PDE8B: variants seen among roughly 807,000 people sequenced by gnomAD.
PDE8B encodes phosphodiesterase 8B, also known as high affinity cAMP-specific and IBMX-insensitive 3',5'-cyclic phosphodiesterase 8B.
PDE8B carries 26 observed loss-of-function variants against 101.3 expected under a neutral mutation model. That is an observed-to-expected ratio of 0.26 (90% CI 0.19 to 0.36). The LOEUF is 0.36. Among genes scored for constraint, PDE8B ranks in the 10% least tolerant of loss-of-function variants. The pLI, the probability that PDE8B is intolerant of heterozygous loss-of-function variation, is 1.00. For missense variants in PDE8B, 810 were observed against 1,163.1 expected (o/e 0.70, Z 4.42); for synonymous variants, 424 against 429.3 (o/e 0.99, Z 0.15).
chr5:77,135,968 A>G, the PDE8B span, among the ~76,000 whole-genome samples: 24 of 151,938 alleles, frequency 1.6e-4, no homozygotes, highest in South Asian at 5.0e-3. Flanking sequence ...TTGGATGTTG[A>G]CCCCCAGGAT....
chr5:77,424,819 G>GTTTTTTTTTTTTT (rs912849753), intron 20 of PDE8B, among the ~76,000 whole-genome samples: 3 of 110,042 alleles, frequency 2.7e-5, no homozygotes, highest in Non-Finnish European at 4.1e-5. Flanking sequence ...CTGTTTTTTT[G>GTTTTTTTTTTTTT]TTTTTTGTTT....
intron 6 of PDE8B, among the ~76,000 whole-genome samples, chr5:77,337,672 C>T (rs10942815): frequency 0.23 from 35,302 of 152,048 alleles, 4,393 homozygotes; most frequent in African/African-American, 0.32. Flanking sequence ...TGGATTGTTA[C>T]GCATAGGGGC....
chr5:77,342,224 T>G (rs1479601), intron 6 of PDE8B, among the ~76,000 whole-genome samples: 1 of 152,076 alleles, frequency 6.6e-6, no homozygotes, highest in African/African-American at 2.4e-5. Flanking sequence ...ACAACAGGTA[T>G]CTACATGTGT....
chr5:77,321,801 C>T (rs1775135926), intron 2 of PDE8B, among the ~76,000 whole-genome samples: 1 of 152,226 alleles, frequency 6.6e-6, no homozygotes, highest in African/African-American at 2.4e-5. Context: ...AAGAAATTCT[C>T]TCCTGAGTGC....
At chr5:77,363,391 AC>A (rs1373857927) in intron 10 of PDE8B, among the ~76,000 whole-genome samples, 1 of 152,124 alleles carries the variant, frequency 6.6e-6, no homozygotes, top group Non-Finnish European at 1.5e-5. Context: ...GGAGGTGTTG[AC>A]TGACGTGGGT....
intron 1 of PDE8B, among the ~76,000 whole-genome samples, chr5:77,253,815 C>A (rs1758564026): frequency 6.6e-6 from 1 of 152,020 alleles, no homozygotes; most frequent in African/African-American, 2.4e-5. Context: ...AAAATGTTTT[C>A]TCTTAGTTAA....
At chr5:77,269,955 G>C (rs1163586288) in intron 1 of PDE8B, among the ~76,000 whole-genome samples, 2 of 151,924 alleles carry the variant, frequency 1.3e-5, no homozygotes, top group African/African-American at 4.8e-5. Flanking sequence ...GGCTATTCTG[G>C]GTCTTTTGTG....
chr5:77,407,302 T>C (rs1793663922), intron 12 of PDE8B, 79 bp from the exon 13 acceptor site: 1 of 1,039,898 alleles, frequency 9.6e-7, no homozygotes, highest in Admixed American at 1.7e-5. Context: ...CGGGCCCTGG[T>C]CCATGAAGGG....
chr5:77,212,302 T>C (rs979090548), intron 1 of PDE8B, among the ~76,000 whole-genome samples: 1 of 152,174 alleles, frequency 6.6e-6, no homozygotes, highest in African/African-American at 2.4e-5. Context: ...AACCATTCCA[T>C]GGATTATTTG....
chr5:77,374,241 C>T (rs898738650), intron 10 of PDE8B, among the ~76,000 whole-genome samples: 3 of 152,022 alleles, frequency 2.0e-5, no homozygotes, highest in African/African-American at 7.2e-5. Flanking sequence ...TTTTCCCATC[C>T]ACTTACTTTC....
chr5:77,413,010 A>G (rs895425722), intron 16 of PDE8B, 101 bp from the exon 17 acceptor site: 2 of 928,370 alleles, frequency 2.2e-6, no homozygotes, highest in Admixed American at 1.7e-5. Context: ...GTGTGAAGCT[A>G]TCATCAGAAG....
chr5:77,307,529 A>C (rs986121534), intron 1 of PDE8B, among the ~76,000 whole-genome samples: 4 of 152,160 alleles, frequency 2.6e-5, no homozygotes, highest in African/African-American at 9.7e-5. Context: ...TCATGGACCC[A>C]TGTTGCCAGC....
chr5:77,200,569 AT>A, the PDE8B span, among the ~76,000 whole-genome samples: 1 of 151,950 alleles, frequency 6.6e-6, no homozygotes, highest in South Asian at 2.1e-4. Context: ...TTTTTAAAAA[AT>A]TTTGTTTTGT....
chr5:77,423,631 A>ATTTTTTTTTTT (rs1561699532), intron 20 of PDE8B, among the ~76,000 whole-genome samples: 1 of 26,618 alleles, frequency 3.8e-5, no homozygotes, highest in Non-Finnish European at 8.1e-5. Flanking sequence ...TGTTTTGTTT[A>ATTTTTTTTTTT]GTTTTTTTTT....
chr5:77,130,433 G>T, the PDE8B span, among the ~76,000 whole-genome samples: 1 of 152,020 alleles, frequency 6.6e-6, no homozygotes, highest in Non-Finnish European at 1.5e-5. Context: ...ACTTCGGGGC[G>T]GGGAGGGGAG....
At chr5:77,154,562 G>C in the PDE8B span, among the ~76,000 whole-genome samples, 1 of 152,176 alleles carries the variant, frequency 6.6e-6, no homozygotes, top group Admixed American at 6.5e-5. Context: ...CACATCCCCT[G>C]CATATATACT....
chr5:77,102,340 A>T, the PDE8B span, among the ~76,000 whole-genome samples: 2,453 of 152,264 alleles, frequency 0.016, 71 homozygotes, highest in African/African-American at 0.056. Context: ...AAGCAAGGTT[A>T]TAGTTTCCCT....
At chr5:77,413,636 T>C (rs978353677) in intron 17 of PDE8B, among the ~76,000 whole-genome samples, 10 of 152,164 alleles carry the variant, frequency 6.6e-5, no homozygotes, top group African/African-American at 1.7e-4. Context: ...TTACAGCAAA[T>C]GGTTACTAGA....
intron 1 of PDE8B, among the ~76,000 whole-genome samples, chr5:77,308,568 G>C (rs1383064832): frequency 6.6e-6 from 1 of 152,180 alleles, no homozygotes; most frequent in Non-Finnish European, 1.5e-5. Context: ...AATACTGGAT[G>C]GCAGGCAGAG....
Sources: allele counts gnomAD v4.1 joint callset (sites outside exome capture counted in the v4.1 genomes callset), GRCh38; gene constraint gnomAD v4.1.1; transcripts MANE v1.5; gene names NCBI Gene and HGNC (gene_info 2026-07-23, HGNC 2026-07-21).